TRAF6: variants seen among roughly 807,000 people sequenced by gnomAD.
TRAF6 encodes TNF receptor-associated factor 6.
Under a neutral mutation model 48.4 loss-of-function variants are expected in TRAF6, and 10 were observed. The observed-to-expected ratio is 0.21, with a 90% confidence interval of 0.13 to 0.35. The LOEUF (loss-of-function observed/expected upper bound fraction) is 0.35. TRAF6 is among the 10% of genes least tolerant of loss of function. The pLI is 1.00. For missense variants in TRAF6, 397 were observed against 661.0 expected (o/e 0.60, Z 4.38); for synonymous variants, 186 against 219.6 (o/e 0.85, Z 1.35).
intron 1 of TRAF6, among the ~76,000 whole-genome samples, chr11:36,508,834 G>A (rs1429293567): frequency 1.3e-5 from 2 of 152,180 alleles, no homozygotes; most frequent in Non-Finnish European, 2.9e-5. Flanking sequence ...TATTTACTCT[G>A]CTCCAGGAGG....
chr11:36,497,077 G>A, intron 4 of TRAF6, 31 bp downstream of exon 4: 1 of 1,605,538 alleles, frequency 6.2e-7, no homozygotes, highest in East Asian at 2.2e-5. Context: ...TTAAGAAGTA[G>A]TGAATTTAAC....
chr11:36,507,662 C>CAT (rs1859818981), intron 1 of TRAF6, among the ~76,000 whole-genome samples: 1 of 31,324 alleles, frequency 3.2e-5, no homozygotes, highest in African/African-American at 9.8e-5. Context: ...TATACATACA[C>CAT]ACGCGCGTGT....
Position 36,492,630 on chromosome 11 carries a change from T to C in TRAF6, c.679-2A>G. The C allele has an allele frequency of 6.2e-7, 1 of 1,605,140 alleles. No homozygotes were observed. The highest frequency in any genetic ancestry group is 8.5e-7 in the Non-Finnish European group (1 of 1,176,834). On this transcript the variant is annotated splice_acceptor_variant, in intron 5 of 6. Transcript: ENST00000526995. LOFTEE classifies it high-confidence loss of function. ...GTCTAGATCATAATGATTAGGCATC[T>C]GAAATCCAAAACAAAGGCTGAAAAA...
chr11:36,505,421 T>C (rs1859771971), intron 1 of TRAF6, among the ~76,000 whole-genome samples: 1 of 152,238 alleles, frequency 6.6e-6, no homozygotes, highest in Non-Finnish European at 1.5e-5. Context: ...CAATCTCTGT[T>C]AGCTTCCAAC....
intron 6 of TRAF6, among the ~76,000 whole-genome samples, chr11:36,491,554 C>A (rs1859564419): frequency 6.6e-6 from 1 of 152,164 alleles, no homozygotes; most frequent in Non-Finnish European, 1.5e-5. Context: ...AAAAGTGTAA[C>A]TGCACTCTCC....
chr11:36,489,902 C>A lies in TRAF6; in HGVS notation c.1505G>T (p.Arg502Leu). 6.2e-7 allele frequency: 1 copy of A among 1,614,158 alleles called. No homozygotes were observed. Among genetic ancestry groups the A allele is most frequent in the Non-Finnish European group, 8.5e-7 (1 of 1,180,026 alleles). The change falls in exon 7 of 7, where the codon CGC becomes CTC. Residue 502 changes from arginine (R) to leucine (L), a missense_variant. Around this residue, in one of 4 missense-constraint regions of TRAF6, gnomAD observed 74 missense variants for 198.9 expected, o/e 0.37. Coordinates refer to ENST00000526995, the MANE Select transcript of TRAF6 (RefSeq NM_004620.4). ...CCTCCGAAGGCTACCCATGTCAAAGCGGGTGGAGACCTCACAGCGCACTAA... is the reference window on the plus strand; with the variant it reads ...CCTCCGAAGGCTACCCATGTCAAAGAGGGTGGAGACCTCACAGCGCACTAA... ...TLLVRCEVST[R>L]FDMGSLRREG... is the part of the protein sequence containing the mutation.
chr11:36,509,574 G>T (rs1055728511), intron 1 of TRAF6, among the ~76,000 whole-genome samples: 2 of 152,212 alleles, frequency 1.3e-5, no homozygotes, highest in Non-Finnish European at 2.9e-5. Flanking sequence ...CCAAGGAGCG[G>T]ACAACTGCAG....
chr11:36,500,295 G>T (rs1389304801), intron 2 of TRAF6, among the ~76,000 whole-genome samples: 6 of 152,112 alleles, frequency 3.9e-5, no homozygotes, highest in Non-Finnish European at 8.8e-5. Context: ...CCTATGAGAA[G>T]GTGAGATTTG....
chr11:36,492,817 T>TA (rs1050907961), intron 5 of TRAF6, among the ~76,000 whole-genome samples, 189 bp from the exon 6 acceptor site: 1 of 152,142 alleles, frequency 6.6e-6, no homozygotes, highest in African/African-American at 2.4e-5. Context: ...AGAAAGGAAA[T>TA]ATCAACATCT....
rs955419931 is a variant in TRAF6, at chr11:36,485,624, CTAGAAT to C, written c.*4208_*4213del. ...TCATTTCCTAAAATGCTTTTCCCAC[CTAGAAT>C]TATTTTTCAGGATTTTATGACCCGA... On this transcript the variant is annotated 3_prime_UTR_variant, in exon 7 of 7. Transcript: ENST00000526995. Among the ~76,000 whole-genome samples, 56 of 152,214 alleles carry C rather than the reference CTAGAAT, an allele frequency of 3.7e-4. No individual in the cohort carries two copies. The highest frequency in any genetic ancestry group is 3.4e-3 in the Middle Eastern group (1 of 294).
chr11:36,496,136 T>C (rs190038260), intron 4 of TRAF6, among the ~76,000 whole-genome samples: 80 of 152,324 alleles, frequency 5.3e-4, no homozygotes, highest in African/African-American at 1.9e-3. Context: ...AAAGTATACA[T>C]AGGATAGGGA....
In TRAF6 at chr11:36,488,633, C is replaced by A. The variant is rs1859520338; in HGVS notation, c.*1205G>T. On this transcript the variant is annotated 3_prime_UTR_variant, in exon 7 of 7. Transcript: ENST00000526995. The stretch of plus-strand genomic sequence containing the variant: ...AATACATGATGGCACACAAAAAAAT[C>A]ATCTCCCTATTAGGAAAATCTGGTT... 6.6e-6 allele frequency: 1 copy of A among 152,108 alleles called. No homozygotes were observed. The highest frequency in any genetic ancestry group is 2.4e-5 in the African/African-American group (1 of 41,406). 9.4% of individuals were successfully genotyped at this position (152,108 alleles called of 1,614,324 possible). A position where few individuals can be genotyped will look rare whatever the true frequency, so the allele number is the denominator to read the frequency against.
At chr11:36,493,366 C>T (rs568809618) in intron 5 of TRAF6, among the ~76,000 whole-genome samples, 33 of 152,268 alleles carry the variant, frequency 2.2e-4, no homozygotes, top group Non-Finnish European at 4.1e-4. Context: ...TCCTTCATTT[C>T]TCAAGAGGGA....
intron 2 of TRAF6, among the ~76,000 whole-genome samples, chr11:36,499,000 A>G (rs1258077654): frequency 2.6e-5 from 4 of 152,226 alleles, no homozygotes; most frequent in Non-Finnish European, 4.4e-5. Context: ...TCACACCTAT[A>G]TAATACACTA....
rs1436354261 is a variant in TRAF6 at position 36,507,579 on chromosome 11, A to ACACACGCGCG, written c.-23+2468_-23+2469insCGCGCGTGTG. Among the ~76,000 whole-genome samples, 24 of 11,442 alleles carry ACACACGCGCG rather than the reference A, an allele frequency of 2.1e-3. 11 individuals are homozygous for ACACACGCGCG. The South Asian group carries it at 0.07, about 34-fold the overall frequency. The allele number at this position is 11,442 out of a possible 152,430, so 7.5% of individuals were successfully genotyped here. Reference sequence around the variant, plus strand: ...CGTATATATACATGTATATGTATACATACACGCGCGTGTATATATGTATAC... The same window carrying ACACACGCGCG: ...CGTATATATACATGTATATGTATACACACACGCGCGTACACGCGCGTGTATATATGTATAC... On this transcript the variant is annotated intron_variant, in intron 1 of 6. Transcript: ENST00000526995.
intron 1 of TRAF6, 143 bp from the exon 2 acceptor site, chr11:36,501,680 A>C (rs1423860101): frequency 1.9e-5 from 11 of 587,352 alleles, no homozygotes; most frequent in Non-Finnish European, 2.9e-5. Context: ...GAAAACTTTT[A>C]AAAGTGTTTT....
intron 4 of TRAF6, 53 bp downstream of exon 4, chr11:36,497,055 A>C: frequency 1.3e-6 from 2 of 1,588,190 alleles, no homozygotes; most frequent in South Asian, 2.3e-5. Context: ...GTACACATTT[A>C]AGAACAATAT....
In TRAF6 at chr11:36,494,163, G is replaced by A. The variant is rs184018092; in HGVS notation, c.678+813C>T. On this transcript the variant is annotated intron_variant, in intron 5 of 6. Transcript: ENST00000526995. ...GTAGATTGCTTGAGCTCAGGAGTTC[G>A]AGACCAGTCTAGGCAATATAACAAG... Among the ~76,000 whole-genome samples, 154 of 152,106 alleles carry A rather than the reference G, an allele frequency of 1.0e-3. 1 individual carries two copies. Among genetic ancestry groups the A allele is most frequent in the African/African-American group, 3.6e-3 (150 of 41,500 alleles).
At chr11:36,501,595 C>T in intron 1 of TRAF6, 58 bp from the exon 2 acceptor site, 2 of 1,253,056 alleles carry the variant, frequency 1.6e-6, no homozygotes, top group African/African-American at 1.5e-5. Context: ...TCACACCCCA[C>T]ACATATATAT....
Sources: allele counts gnomAD v4.1 joint callset (sites outside exome capture counted in the v4.1 genomes callset), GRCh38; gene constraint gnomAD v4.1.1; regional missense constraint gnomAD v4.1.1; transcripts MANE v1.5; gene names NCBI Gene and HGNC (gene_info 2026-07-23, HGNC 2026-07-21).